NCOR2: variants seen among roughly 807,000 people sequenced by gnomAD.
The protein encoded by NCOR2 is CTG repeat protein 26.
NCOR2 carries 81 observed loss-of-function variants against 262.9 expected under a neutral mutation model. The observed-to-expected ratio is 0.31, with a 90% confidence interval of 0.26 to 0.37. NCOR2 has a LOEUF of 0.37. NCOR2 is among the 10% of genes least tolerant of loss of function. The pLI, the probability that NCOR2 is intolerant of heterozygous loss-of-function variation, is 1.00. For missense variants in NCOR2, 3,385 were observed against 3,621.4 expected (o/e 0.93, Z 1.68); for synonymous variants, 1,659 against 1,559.3 (o/e 1.06, Z -1.51).
upstream of NCOR2, chr12:124,538,780 A>T (rs1468494417): frequency 6.6e-6 from 1 of 152,270 alleles, no homozygotes; most frequent in Admixed American, 6.5e-5. Flanking sequence ...CAGGCAAGCG[A>T]TGGTGAGAAT....
intron 1 of NCOR2, among the ~76,000 whole-genome samples, chr12:124,524,191 T>A (rs1421907526): frequency 1.3e-5 from 2 of 152,190 alleles, no homozygotes; most frequent in Non-Finnish European, 2.9e-5. Flanking sequence ...CCATTCAATG[T>A]TTTTTAAAAA....
intron 44 of NCOR2, 65 bp from the exon 47 acceptor site, chr12:124,327,698 G>A (rs955848697): frequency 1.8e-5 from 21 of 1,168,054 alleles, no homozygotes; most frequent in Non-Finnish European, 2.5e-5. Context: ...CCAGAGGGGC[G>A]ACAGAGAGAG....
chr12:124,377,533 G>A (rs1018501697), intron 18 of NCOR2, among the ~76,000 whole-genome samples: 1 of 152,168 alleles, frequency 6.6e-6, no homozygotes, highest in African/African-American at 2.4e-5. Flanking sequence ...TTGTAAAAGA[G>A]TTCTGGTCAA....
At chr12:124,439,270 C>CAGAGAGAG (rs1565945513) in intron 7 of NCOR2, among the ~76,000 whole-genome samples, 14 of 25,124 alleles carry the variant, frequency 5.6e-4, no homozygotes, top group Non-Finnish European at 5.9e-4. Context: ...GATGGAGACC[C>CAGAGAGAG]TGAGACAGAG....
At chr12:124,441,296 C>T (rs562658163) in intron 7 of NCOR2, among the ~76,000 whole-genome samples, 8 of 152,320 alleles carry the variant, frequency 5.3e-5, no homozygotes, top group Admixed American at 2.6e-4. Flanking sequence ...GGACACAGAA[C>T]CCAGCCTGAA....
intron 13 of NCOR2, among the ~76,000 whole-genome samples, chr12:124,409,235 C>T (rs865805087): frequency 6.6e-6 from 1 of 152,270 alleles, no homozygotes; most frequent in South Asian, 2.1e-4. Flanking sequence ...ACAGTCCCTG[C>T]TCCTGCTCTG....
At position 124,430,608 on chromosome 12, in the gene NCOR2, C is replaced by T. The variant is rs1019722773; in HGVS notation, c.1055+7G>A. The T allele has an allele frequency of 1.2e-5, 19 of 1,606,526 alleles. No individual in the cohort carries two copies. Among genetic ancestry groups the T allele is most frequent in the Admixed American group, 3.4e-5 (2 of 59,328 alleles). Reference sequence around the variant, plus strand: ...CGTCGGGGGCCCTGGGCTCAGGCCCCGCTCACCTCTGCATGCGCTCCTGCA... The same window carrying T: ...CGTCGGGGGCCCTGGGCTCAGGCCCTGCTCACCTCTGCATGCGCTCCTGCA... On this transcript the variant is annotated splice_region_variant and intron_variant, in intron 9 of 46. Coordinates refer to ENST00000405201, the Ensembl canonical transcript of NCOR2.
chr12:124,486,650 T>C, intron 1 of NCOR2, 82 bp from the exon 4 acceptor site: 1 of 1,464,364 alleles, frequency 6.8e-7, no homozygotes, highest in Non-Finnish European at 9.1e-7. Flanking sequence ...GGCAAGGCCG[T>C]GGACTCCCTG....
chr12:124,510,959 C>T (rs967425356), intron 1 of NCOR2, among the ~76,000 whole-genome samples: 1 of 152,236 alleles, frequency 6.6e-6, no homozygotes, highest in Non-Finnish European at 1.5e-5. Context: ...TCCTCTCCCC[C>T]CACAGCCCCA....
chr12:124,494,252 C>T (rs974343758), intron 1 of NCOR2, among the ~76,000 whole-genome samples: 5 of 152,206 alleles, frequency 3.3e-5, no homozygotes, highest in Non-Finnish European at 4.4e-5. Flanking sequence ...CGCACCCCCA[C>T]GGTGGCCGGC....
intron 11 of NCOR2, among the ~76,000 whole-genome samples, chr12:124,424,145 G>A (rs1053354772): frequency 6.6e-6 from 1 of 152,146 alleles, no homozygotes; most frequent in Non-Finnish European, 1.5e-5. Context: ...TATCAGACCT[G>A]CAGAGCCACA....
chr12:124,514,009 G>T (rs1030404510), intron 1 of NCOR2: 2 of 152,248 alleles, frequency 1.3e-5, no homozygotes, highest in African/African-American at 4.8e-5. Flanking sequence ...TCTCCTAAGT[G>T]CCTGCTACAT....
At position 124,503,737 on chromosome 12, in the gene NCOR2, CGGAT is replaced by C. The variant is rs972151324; in HGVS notation, c.-117-8373_-117-8370del. Among the ~76,000 whole-genome samples, 38 of 144,942 alleles carry C rather than the reference CGGAT, an allele frequency of 2.6e-4. No homozygotes were observed. Among genetic ancestry groups the C allele is most frequent in the Non-Finnish European group, 5.0e-4 (33 of 66,060 alleles). On this transcript the variant is annotated intron_variant, in intron 1 of 46. Transcript: ENST00000404621. This position sits in a 1 kb window ranked among gnomAD's most constrained non-coding sequence, Gnocchi z 4.3. ...ACAGACGAATGGATGGATGGATGGA[CGGAT>C]GGATGCATGGATGCATGGATGGATG...
exon 29 of NCOR2, chr12:124,348,213 C>T (rs1311309109): frequency 1.2e-6 from 2 of 1,612,668 alleles, no homozygotes; most frequent in Non-Finnish European, 1.7e-6. Flanking sequence ...CCCACGCGGC[C>T]CTCCATCATG....
chr12:124,415,156 C>A (rs1169085066), intron 13 of NCOR2, among the ~76,000 whole-genome samples: 2 of 152,138 alleles, frequency 1.3e-5, no homozygotes, highest in Non-Finnish European at 2.9e-5. Flanking sequence ...CACCTCCCCA[C>A]CCTCCTTAAG....
At chr12:124,460,287 G>A (rs1355478202) in intron 5 of NCOR2, among the ~76,000 whole-genome samples, 5 of 152,232 alleles carry the variant, frequency 3.3e-5, no homozygotes, top group African/African-American at 4.8e-5. Flanking sequence ...AATGGAGTGC[G>A]GCTGGCTCCC....
intron 5 of NCOR2, among the ~76,000 whole-genome samples, chr12:124,460,253 T>C (rs2046095509): frequency 6.6e-6 from 1 of 152,188 alleles, no homozygotes; most frequent in East Asian, 1.9e-4. Context: ...CAGTGGATGC[T>C]CAGGAATGGT....
intron 1 of NCOR2, among the ~76,000 whole-genome samples, chr12:124,557,333 C>T (rs2051914941): frequency 6.6e-6 from 1 of 152,208 alleles, no homozygotes; most frequent in Non-Finnish European, 1.5e-5. Flanking sequence ...AAGGTGTTGG[C>T]AGGGGTGGTT....
At chr12:124,560,561 A>G (rs1257254864) in intron 1 of NCOR2, among the ~76,000 whole-genome samples, 2 of 152,244 alleles carry the variant, frequency 1.3e-5, no homozygotes, top group African/African-American at 4.8e-5. Flanking sequence ...GCTCCGAAAC[A>G]TATTATCACG....
Sources: gnomAD v4.1 joint callset for allele counts (sites outside exome capture counted in the v4.1 genomes callset) on GRCh38, gnomAD v4.1.1 for gene constraint, Gnocchi (gnomAD v3.1) non-coding constraint, MANE v1.5 for transcripts, NCBI Gene and HGNC (gene_info 2026-07-23, HGNC 2026-07-21) for gene names.